Variants in CTCFL observed in about 807,000 individuals in gnomAD.
The protein encoded by CTCFL is transcriptional repressor CTCFL.
In CTCFL, 36 loss-of-function variants were observed where a neutral mutation model predicts 67.4. That is an observed-to-expected ratio of 0.53 (90% CI 0.41 to 0.71). CTCFL has a LOEUF of 0.71. CTCFL is among the 30% of genes least tolerant of loss of function. The pLI, the probability that CTCFL is intolerant of heterozygous loss-of-function variation, is 0.00. For synonymous variants in CTCFL, 324 were observed against 302.3 expected, an observed-to-expected ratio of 1.07 and a Z score of -0.75; for missense variants, 786 against 835.2, an observed-to-expected ratio of 0.94 and a Z score of 0.73.
At chr20:57,506,854 G>A in intron 9 of CTCFL, 2 of 984,988 alleles carry the variant, frequency 2.0e-6, no homozygotes, top group African/African-American at 3.5e-5. Flanking sequence ...ATGAGCAATG[G>A]TGTTTTGGGA....
intron 7 of CTCFL, chr20:57,513,935 C>T: frequency 7.9e-7 from 1 of 1,271,882 alleles, no homozygotes; most frequent in African/African-American, 1.5e-5. Flanking sequence ...TTGCTCAACA[C>T]TGGCTGGCTT....
intron 7 of CTCFL, among the ~76,000 whole-genome samples, 184 bp downstream of exon 7, chr20:57,514,400 GCTATAAAA>G (rs2068765834): frequency 6.6e-6 from 1 of 152,184 alleles, no homozygotes; most frequent in Admixed American, 6.5e-5. Context: ...CTAAAAACAT[GCTATAAAA>G]TGCACTTATG....
In CTCFL at chr20:57,523,130, G is replaced by GGTC; in HGVS notation, c.691_692insGAC (p.Gln230_Pro231insArg). 1 of 1,613,928 alleles carries GGTC rather than the reference G, an allele frequency of 6.2e-7. No individual in the cohort carries two copies. The highest frequency in any genetic ancestry group is 8.5e-7 in the Non-Finnish European group (1 of 1,180,002). On this transcript the variant is annotated inframe_insertion, in exon 3 of 11. Coordinates refer to ENST00000243914, the MANE Select transcript of CTCFL (RefSeq NM_001386993.1). ...TTCAGCATCTGCTTGACCAGCTGTAGGTTGATCCTCTTGTTCTTCCACATT... is the reference window on the plus strand; with the variant it reads ...TTCAGCATCTGCTTGACCAGCTGTAGGTCGTTGATCCTCTTGTTCTTCCACATT...
chr20:57,501,205 G>A (rs569588898), intron 10 of CTCFL, among the ~76,000 whole-genome samples: 1 of 152,394 alleles, frequency 6.6e-6, no homozygotes, highest in Non-Finnish European at 1.5e-5. Context: ...CCTTGGAGGA[G>A]CCTGCGGTGC....
Position 57,512,737 on chromosome 20 carries a change from T to C in CTCFL, c.1346A>G (p.Asn449Ser), listed in dbSNP as rs2068644750. Residue 449 changes from asparagine (N) to serine (S), a missense_variant, in exon 8 of 11, where the codon AAC becomes AGC. By Grantham distance (46) the Asn-to-Ser change is conservative. Coordinates refer to ENST00000243914, the MANE Select transcript of CTCFL (RefSeq NM_001386993.1). ...CTCTGCAGCGCTGTAAGCATGCAAG[T>C]TGCGCATATGCACACCTAAAATGGT... is the stretch of plus-strand genomic sequence containing the variant. ...RKSDLRVHMR[N>S]LHAYSAAELK... 4 of 1,614,208 alleles carry C rather than the reference T, an allele frequency of 2.5e-6. No individual in the cohort carries two copies. The highest frequency in any genetic ancestry group is 3.4e-6 in the Non-Finnish European group (4 of 1,180,014).
At position 57,515,830 on chromosome 20, in the gene CTCFL, C is replaced by T. The variant is rs1204135950; in HGVS notation, c.1064G>A (p.Ser355Asn). The T allele has an allele frequency of 1.9e-6, 3 of 1,608,214 alleles. No homozygotes were observed. Among genetic ancestry groups the T allele is most frequent in the Non-Finnish European group, 1.7e-6 (2 of 1,178,010 alleles). The part of the protein sequence containing the change: ...SMCKYASVEA[S>N]KLKRHVRSHT... ...GGATCGGACATGGCGCTTCAATTTA[C>T]TTGCCTAATAAATACATAAATGATG... The change falls in exon 6 of 11, where the codon AGT becomes AAT. Residue 355 changes from serine (S) to asparagine (N), a missense_variant. Ser to Asn is a conservative substitution (Grantham distance 46). Transcript: ENST00000243914.
chr20:57,506,301 CTGTTT>C (rs758580625), intron 9 of CTCFL, among the ~76,000 whole-genome samples: 23 of 151,000 alleles, frequency 1.5e-4, no homozygotes, highest in Non-Finnish European at 2.5e-4. Context: ...GATACTTTAA[CTGTTT>C]TGTTTTGTTT....
At position 57,508,682 on chromosome 20, in the gene CTCFL, A is replaced by C. The variant is rs1466151903; in HGVS notation, c.1598T>G (p.Phe533Cys). The C allele has an allele frequency of 1.2e-6, 2 of 1,614,186 alleles. No individual in the cohort carries two copies. Among genetic ancestry groups the C allele is most frequent in the South Asian group, 2.2e-5 (2 of 91,086 alleles). The change falls in exon 9 of 11, where the codon TTC becomes TGC. Residue 533 changes from phenylalanine to cysteine, a missense_variant. Physicochemically the swap from Phe to Cys is radical, Grantham distance 205 (BLOSUM62 -2). Transcript: ENST00000243914. ...FRQKQLLNAHFRKYHDANFIP... is the reference protein window; with the variant it reads ...FRQKQLLNAHCRKYHDANFIP... ...GAAATTTGCATCGTGGTATTTCCTGAAGTGAGCGTTTAGAAGTTGCTTCTG... is the reference window on the plus strand; with the variant it reads ...GAAATTTGCATCGTGGTATTTCCTGCAGTGAGCGTTTAGAAGTTGCTTCTG...
At position 57,524,213 on chromosome 20, in the gene CTCFL, T is replaced by C; in HGVS notation, c.-8A>G. ...GATCTCAGTGGCTGCCATAATGACT[T>C]GGCCTGTTTGAAAAATAAGCAAGCG... On this transcript the variant is annotated 5_prime_UTR_variant, in exon 2 of 11. Coordinates refer to ENST00000243914, the MANE Select transcript of CTCFL (RefSeq NM_001386993.1). 1 of 1,607,434 alleles carries C rather than the reference T, an allele frequency of 6.2e-7. No individual in the cohort carries two copies. The highest frequency in any genetic ancestry group is 8.5e-7 in the Non-Finnish European group (1 of 1,177,490).
At chr20:57,515,438 C>A (rs971886165) in intron 6 of CTCFL, 4 of 387,336 alleles carry the variant, frequency 1.0e-5, no homozygotes, top group South Asian at 7.2e-5. Flanking sequence ...AGCCACCATG[C>A]CTGGCCAGGA....
intron 10 of CTCFL, among the ~76,000 whole-genome samples, chr20:57,503,235 T>C (rs918144349): frequency 6.6e-6 from 1 of 152,230 alleles, no homozygotes; most frequent in Non-Finnish European, 1.5e-5. Flanking sequence ...CACATGGACC[T>C]GCGTGGGGCT....
At chr20:57,496,480 A>G, downstream of CTCFL, 1 of 457,862 alleles carries the variant, frequency 2.2e-6, no homozygotes. Context: ...CTATTTTTAA[A>G]TGTATGGTTC....
chr20:57,523,302 TATG>T lies in CTCFL; in HGVS notation c.544-27_544-25del, dbSNP rs749428298. 2.8e-5 allele frequency: 45 copies of T among 1,591,140 alleles called. No homozygotes were observed. The East Asian group carries it at 9.4e-4, about 33-fold the overall frequency. On this transcript the variant is annotated intron_variant, in intron 2 of 10. Transcript: ENST00000243914. Reference sequence around the variant, plus strand: ...AGCTAATAAACAACAAATATTCAAATATGATACTATTGATTTCAGTATAATTAG... The same window carrying T: ...AGCTAATAAACAACAAATATTCAAATATACTATTGATTTCAGTATAATTAG...
chr20:57,518,691 T>C (rs1600674310), intron 5 of CTCFL, 67 bp downstream of exon 5: 2 of 1,610,932 alleles, frequency 1.2e-6, no homozygotes, highest in East Asian at 2.2e-5. Flanking sequence ...TTAGTTACAC[T>C]TGGAGTAACT....
chr20:57,509,108 C>A (rs544319946), intron 8 of CTCFL, among the ~76,000 whole-genome samples: 2 of 152,138 alleles, frequency 1.3e-5, no homozygotes, highest in Admixed American at 1.3e-4. Context: ...ACTGGGAGTC[C>A]TCCTTCTATA....
intron 6 of CTCFL, chr20:57,515,339 C>T (rs887376233): frequency 6.2e-5 from 13 of 208,652 alleles, no homozygotes; most frequent in Admixed American, 1.1e-4. Flanking sequence ...GAGACAGGGT[C>T]TCCCTATGTT....
intron 9 of CTCFL, among the ~76,000 whole-genome samples, chr20:57,504,808 TTCTC>T (rs1180669848): frequency 6.6e-6 from 1 of 152,014 alleles, no homozygotes; most frequent in Non-Finnish European, 1.5e-5. Flanking sequence ...TAAACAAAAC[TTCTC>T]TTCCTTAACC....
intron 3 of CTCFL, among the ~76,000 whole-genome samples, chr20:57,522,267 C>A (rs1568883264): frequency 6.6e-6 from 1 of 151,968 alleles, no homozygotes; most frequent in Non-Finnish European, 1.5e-5. Flanking sequence ...GCACCTGATG[C>A]CAGGAGGAAG....
At chr20:57,524,237 C>A (rs751544195) in intron 1 of CTCFL, 21 bp from the exon 2 acceptor site, 2 of 1,589,114 alleles carry the variant, frequency 1.3e-6, no homozygotes, top group South Asian at 1.1e-5. Context: ...AATAAGCAAG[C>A]GGTTTCCATA....
Sources: allele counts gnomAD v4.1 joint callset (sites outside exome capture counted in the v4.1 genomes callset), GRCh38; gene constraint gnomAD v4.1.1; transcripts MANE v1.5; gene names NCBI Gene and HGNC (gene_info 2026-07-23, HGNC 2026-07-21).